Variants in VPS41 observed in about 807,000 individuals in gnomAD.
VPS41 encodes the protein vacuolar protein sorting-associated protein 41 homolog.
VPS41 carries 85 observed loss-of-function variants against 130.9 expected under a neutral mutation model. The observed-to-expected ratio is 0.65, with a 90% CI of 0.55 to 0.78. The LOEUF is 0.78. VPS41 is among the 30% of genes least tolerant of loss of function. VPS41 has a pLI of 0.00. For missense variants in VPS41, 874 were observed against 1,018.7 expected (o/e 0.86, Z 1.93); for synonymous variants, 335 against 332.9 (o/e 1.01, Z -0.07).
chr7:38,838,362 A>G (rs1256272509), intron 4 of VPS41, among the ~76,000 whole-genome samples: 3 of 152,212 alleles, frequency 2.0e-5, no homozygotes, highest in Admixed American at 2.0e-4. Context: ...CATAACAGCA[A>G]TGAGCAGAAA....
At chr7:38,830,977 T>G (rs1218916065) in intron 4 of VPS41, among the ~76,000 whole-genome samples, 1 of 152,194 alleles carries the variant, frequency 6.6e-6, no homozygotes, top group Non-Finnish European at 1.5e-5. Flanking sequence ...TGAAGAATAC[T>G]GCACTGGCAG....
At chr7:38,884,225 T>G (rs962518897) in intron 2 of VPS41, among the ~76,000 whole-genome samples, 2 of 152,274 alleles carry the variant, frequency 1.3e-5, no homozygotes, top group Admixed American at 6.5e-5. Flanking sequence ...ATGACTGGTT[T>G]TCATTTTAAC....
intron 1 of VPS41, among the ~76,000 whole-genome samples, chr7:38,899,295 C>G (rs544264692): frequency 6.6e-6 from 1 of 152,120 alleles, no homozygotes; most frequent in Non-Finnish European, 1.5e-5. Flanking sequence ...CTCAATGCAG[C>G]CTGTTTAGCT....
intron 4 of VPS41, among the ~76,000 whole-genome samples, chr7:38,856,103 C>T (rs956709692): frequency 6.6e-6 from 1 of 152,138 alleles, no homozygotes; most frequent in Admixed American, 6.5e-5. Flanking sequence ...CTTATGTTGG[C>T]ACTAATCTCA....
chr7:38,741,943 C>A, intron 25 of VPS41, 42 bp downstream of exon 25: 1 of 1,608,300 alleles, frequency 6.2e-7, no homozygotes, highest in Non-Finnish European at 8.5e-7. Flanking sequence ...AGTACTAAGT[C>A]AACTAATTCA....
intron 4 of VPS41, among the ~76,000 whole-genome samples, chr7:38,837,825 G>A (rs1401089501): frequency 1.3e-5 from 2 of 152,140 alleles, no homozygotes; most frequent in Non-Finnish European, 2.9e-5. Flanking sequence ...AGTTATTAAT[G>A]TTTGGGTTAC....
In VPS41 at chr7:38,735,983, T is replaced by C. The variant is rs140829660; in HGVS notation, c.2259+6002A>G. Among the ~76,000 whole-genome samples, 675 of 152,272 alleles carry C rather than the reference T, an allele frequency of 4.4e-3. 5 individuals carry two copies. Among genetic ancestry groups the C allele is most frequent in the African/African-American group, 0.015 (615 of 41,550 alleles). On this transcript the variant is annotated intron_variant, in intron 25 of 28. Coordinates refer to ENST00000310301, the MANE Select transcript of VPS41 (RefSeq NM_014396.4). ...ATTTTTTTTCTTTAAATAAATGTCA[T>C]TTTTGAGGCAAAAGAAAAAACCGTG...
intron 12 of VPS41, 151 bp from the exon 13 acceptor site, chr7:38,772,788 T>TGTG (rs1408191641): frequency 3.8e-6 from 2 of 524,620 alleles, no homozygotes; most frequent in African/African-American, 2.0e-5. Flanking sequence ...GGAAGGTAAG[T>TGTG]GTGGGAGACA....
chr7:38,729,408 T>C (rs1034978011), intron 25 of VPS41, among the ~76,000 whole-genome samples: 5 of 150,996 alleles, frequency 3.3e-5, no homozygotes, highest in Admixed American at 2.0e-4. Flanking sequence ...GTGCTATGAA[T>C]GTGGTGTGTG....
intron 6 of VPS41, among the ~76,000 whole-genome samples, chr7:38,820,078 C>G (rs901681468): frequency 1.3e-5 from 2 of 152,128 alleles, no homozygotes; most frequent in African/African-American, 4.8e-5. Context: ...ATCCCCAAAG[C>G]GAGAACCTGA....
rs78905372 is a variant in VPS41, at chr7:38,734,748, C to T, written c.2260-5957G>A. Reference sequence around the variant, plus strand: ...GAAATTTTTATTTTAAAAGATTCTTCGAACACTAAACATTTTGCTGACATT... The same window carrying T: ...GAAATTTTTATTTTAAAAGATTCTTTGAACACTAAACATTTTGCTGACATT... On this transcript the variant is annotated intron_variant, in intron 25 of 28. Coordinates refer to ENST00000310301, the MANE Select transcript of VPS41 (RefSeq NM_014396.4). Among the ~76,000 whole-genome samples, 929 of 152,268 alleles carry T rather than the reference C, an allele frequency of 6.1e-3. 4 individuals are homozygous for T. Among genetic ancestry groups the T allele is most frequent in the Non-Finnish European group, 9.4e-3 (641 of 68,016 alleles).
intron 1 of VPS41, among the ~76,000 whole-genome samples, chr7:38,902,973 T>A (rs1029689269): frequency 6.6e-6 from 1 of 152,246 alleles, no homozygotes; most frequent in African/African-American, 2.4e-5. Context: ...CCCAGTATCC[T>A]ACTGGAAAAA....
chr7:38,825,732 C>G (rs1178732006), intron 5 of VPS41, among the ~76,000 whole-genome samples: 1 of 152,206 alleles, frequency 6.6e-6, no homozygotes, highest in Non-Finnish European at 1.5e-5. Context: ...TCATTAGCTA[C>G]AAACCAGAGA....
intron 9 of VPS41, 115 bp from the exon 10 acceptor site, chr7:38,789,982 C>A (rs1018123248): frequency 4.2e-6 from 4 of 941,936 alleles, no homozygotes; most frequent in Admixed American, 2.1e-5. Flanking sequence ...AGATGGAGTA[C>A]AATCTACCCT....
At chr7:38,878,761 C>T (rs187699453) in intron 2 of VPS41, among the ~76,000 whole-genome samples, 2 of 152,254 alleles carry the variant, frequency 1.3e-5, no homozygotes, top group South Asian at 4.1e-4. Context: ...TCAGTAAATA[C>T]AAAGGTTTCT....
intron 5 of VPS41, among the ~76,000 whole-genome samples, chr7:38,825,965 G>A (rs1040899683): frequency 7.9e-5 from 12 of 152,196 alleles, no homozygotes; most frequent in African/African-American, 2.9e-4. Flanking sequence ...CCTTGTAACA[G>A]CCTCTCTCAA....
intron 4 of VPS41, among the ~76,000 whole-genome samples, chr7:38,843,891 C>T (rs1027513262): frequency 2.0e-5 from 3 of 151,962 alleles, no homozygotes; most frequent in Non-Finnish European, 4.4e-5. Flanking sequence ...GTGGCATGGC[C>T]GGGTTATGTT....
chr7:38,773,011 G>A (rs1400154455), intron 12 of VPS41, among the ~76,000 whole-genome samples: 2 of 151,974 alleles, frequency 1.3e-5, no homozygotes, highest in African/African-American at 4.8e-5. Context: ...AATTCTCTAT[G>A]TCTACTGCAT....
At chr7:38,745,720 T>A in intron 22 of VPS41, 107 bp from the exon 23 acceptor site, 1 of 850,360 alleles carries the variant, frequency 1.2e-6, no homozygotes, top group Non-Finnish European at 1.9e-6. Flanking sequence ...ACAGCTTCTT[T>A]AAAAATAAAA....
Sources: allele counts gnomAD v4.1 joint callset (sites outside exome capture counted in the v4.1 genomes callset), GRCh38; gene constraint gnomAD v4.1.1; transcripts MANE v1.5; gene names NCBI Gene and HGNC (gene_info 2026-07-23, HGNC 2026-07-21).